Variants in PDE3A observed in about 807,000 individuals in gnomAD.
PDE3A encodes cGMP-inhibited 3',5'-cyclic phosphodiesterase 3A.
A neutral mutation model predicts 98.3 loss-of-function variants in PDE3A; 43 were observed. The ratio of observed to expected loss-of-function variants is 0.44; its 90% CI spans 0.34 to 0.56. PDE3A has a LOEUF of 0.56. Among genes scored for constraint, PDE3A ranks in the 20% least tolerant of loss-of-function variants. The pLI, the probability that PDE3A is intolerant of heterozygous loss-of-function variation, is 0.01. For synonymous variants in PDE3A, 663 were observed against 567.9 expected, an observed-to-expected ratio of 1.17 and a Z score of -2.38; for missense variants, 1,427 against 1,440.7, an observed-to-expected ratio of 0.99 and a Z score of 0.15.
At chr12:20,648,662 A>G in intron 12 of PDE3A, 26 bp from the exon 13 acceptor site, 1 of 1,430,202 alleles carries the variant, frequency 7.0e-7, no homozygotes. Context: ...TAAAAAGTTG[A>G]ACTCTTAACT....
At position 20,635,384 on chromosome 12, in the gene PDE3A, C is replaced by T. The variant is rs1944480249; in HGVS notation, c.2001+328C>T. 3.3e-5 allele frequency among the ~76,000 whole-genome samples: 5 copies of T among 152,210 alleles called. No individual in the cohort carries two copies. In the South Asian group the frequency reaches 1.0e-3, roughly 32 times the overall value. The stretch of plus-strand genomic sequence containing the variant: ...ATGAGTTCAAGACCAGCCTGACCAA[C>T]ATGGTGAAACCCCGTCTCTACTAAA... On this transcript the variant is annotated intron_variant, in intron 8 of 15. Coordinates refer to ENST00000359062, the MANE Select transcript of PDE3A (RefSeq NM_000921.5).
At chr12:20,427,978 G>T (rs546889587) in intron 1 of PDE3A, among the ~76,000 whole-genome samples, 1 of 152,150 alleles carries the variant, frequency 6.6e-6, no homozygotes, top group South Asian at 2.1e-4. Flanking sequence ...GGCTGAGACG[G>T]GCGGATCACG....
rs758949952 is a variant in PDE3A, at chr12:20,556,711, G to GT, written c.1011+2dup. The stretch of plus-strand genomic sequence containing the variant: ...CAAACGAGGGCCAAGAGGATCACAG[G>GT]TAAGTTTCTTTTCCTTTTCTTTTTC... On this transcript the variant is annotated splice_donor_variant, in intron 2 of 15. Transcript: ENST00000359062. LOFTEE classifies it high-confidence loss of function. The GT allele has an allele frequency of 3.4e-5, 54 of 1,606,138 alleles. No homozygotes were observed. The African/African-American group carries it at 5.7e-4, about 17-fold the overall frequency.
At chr12:20,507,076 C>T (rs552714363) in intron 1 of PDE3A, among the ~76,000 whole-genome samples, 1 of 151,522 alleles carries the variant, frequency 6.6e-6, no homozygotes, top group African/African-American at 2.4e-5. Flanking sequence ...TATTATGATC[C>T]GGGGGGTAAT....
At chr12:20,407,729 AT>A (rs993532798) in intron 1 of PDE3A, among the ~76,000 whole-genome samples, 2 of 152,090 alleles carry the variant, frequency 1.3e-5, no homozygotes, top group Non-Finnish European at 2.9e-5. Context: ...AAACTTATAA[AT>A]TTTTTTAAAA....
chr12:20,470,917 C>A (rs1945428138), intron 1 of PDE3A, among the ~76,000 whole-genome samples: 1 of 151,910 alleles, frequency 6.6e-6, no homozygotes, highest in Admixed American at 6.6e-5. Flanking sequence ...TAAGAAGAGA[C>A]ACCAGAGAGC....
rs1025314934 is a variant in PDE3A, at chr12:20,368,803, G to A, written c.-482G>A. 6.6e-6 allele frequency among the ~76,000 whole-genome samples: 1 copy of A among 151,740 alleles called. No individual in the cohort carries two copies. Among genetic ancestry groups the A allele is most frequent in the African/African-American group, 2.4e-5 (1 of 41,366 alleles). ...CCATCTGCCGCGGGCCCGGCGCGCT[G>A]CAGCGCAGCGCAGCGCCGAGCTGCG... is the stretch of plus-strand genomic sequence containing the variant. On this transcript the variant is annotated 5_prime_UTR_variant, in exon 1 of 16. Coordinates refer to ENST00000359062, the MANE Select transcript of PDE3A (RefSeq NM_000921.5).
chr12:20,496,958 C>G (rs990398202), intron 1 of PDE3A, among the ~76,000 whole-genome samples: 6 of 152,126 alleles, frequency 3.9e-5, no homozygotes, highest in African/African-American at 1.2e-4. Context: ...AAGAGAAGTT[C>G]CATGAGGACG....
intron 1 of PDE3A, among the ~76,000 whole-genome samples, chr12:20,530,247 G>C (rs1211555490): frequency 6.6e-6 from 1 of 152,036 alleles, no homozygotes; most frequent in African/African-American, 2.4e-5. Flanking sequence ...ATAAGTTATA[G>C]CTGATAACAC....
At chr12:20,647,246 A>G (rs1256632171) in intron 12 of PDE3A, among the ~76,000 whole-genome samples, 1 of 152,184 alleles carries the variant, frequency 6.6e-6, no homozygotes, top group Non-Finnish European at 1.5e-5. Context: ...GGCAACCTAT[A>G]CAAAAGCCCC....
intron 10 of PDE3A, among the ~76,000 whole-genome samples, chr12:20,640,850 TA>T (rs2121513919): frequency 6.6e-6 from 1 of 151,412 alleles, no homozygotes; most frequent in South Asian, 2.1e-4. Context: ...GAAAGAAAAA[TA>T]ATCAAACATA....
In PDE3A at chr12:20,552,327, C is replaced by T. The variant is rs1190451840; in HGVS notation, c.961-4333C>T. The T allele has an allele frequency of 1.2e-5, 19 of 1,613,620 alleles. No individual in the cohort carries two copies. The highest frequency in any genetic ancestry group is 7.7e-5 in the South Asian group (7 of 91,038). ...TCTACAAGGTTGTGAAATACTGGCC[C>T]GAGAAGGGGAAGTCCGGGTTTCTCG... On this transcript the variant is annotated intron_variant, in intron 1 of 15. Transcript: ENST00000359062. The surrounding 1 kb of genome is among the most constrained non-coding windows in gnomAD (Gnocchi z 5.1).
intron 5 of PDE3A, among the ~76,000 whole-genome samples, chr12:20,623,558 T>A (rs1007501796): frequency 6.6e-6 from 1 of 152,028 alleles, no homozygotes; most frequent in Non-Finnish European, 1.5e-5. Context: ...CTTACAAGAA[T>A]AGGAGTGAAC....
At chr12:20,455,117 A>G (rs925383974) in intron 1 of PDE3A, among the ~76,000 whole-genome samples, 1 of 152,164 alleles carries the variant, frequency 6.6e-6, no homozygotes, top group Non-Finnish European at 1.5e-5. Context: ...CAGCCTCACC[A>G]GCATCTGTTA....
intron 7 of PDE3A, 133 bp downstream of exon 7, chr12:20,633,911 G>A (rs1944440787): frequency 3.6e-6 from 2 of 548,400 alleles, no homozygotes; most frequent in African/African-American, 1.9e-5. Flanking sequence ...TGTTGGTCAG[G>A]TCGGTCTCAA....
intron 1 of PDE3A, among the ~76,000 whole-genome samples, chr12:20,414,705 A>G (rs1388562553): frequency 2.6e-5 from 4 of 152,170 alleles, no homozygotes; most frequent in African/African-American, 9.7e-5. Context: ...GGTTTCTGAG[A>G]TGATCAATTC....
At position 20,370,251 on chromosome 12, in the gene PDE3A, A is replaced by T. The variant is rs1225637062; in HGVS notation, c.960+7A>T. On this transcript the variant is annotated splice_region_variant and intron_variant, in intron 1 of 15. Transcript: ENST00000359062. ...CTGTATACCGAGGGAACAGGTAAGC[A>T]CTGGCAACTCCTCTCTCGGCTCTTG... 6.6e-7 allele frequency: 1 copy of T among 1,520,746 alleles called. No individual in the cohort carries two copies. 94.2% of individuals were successfully genotyped at this position (1,520,746 alleles called of 1,614,324 possible).
chr12:20,684,687 A>G lies in PDE3A; in HGVS notation c.*4416A>G, dbSNP rs1468161046. Among the ~76,000 whole-genome samples, 1 of 152,218 alleles carries G rather than the reference A, an allele frequency of 6.6e-6. No individual in the cohort carries two copies. The highest frequency in any genetic ancestry group is 1.9e-4 in the East Asian group (1 of 5,190). On this transcript the variant is annotated 3_prime_UTR_variant, in exon 16 of 16. Transcript: ENST00000359062. Reference sequence around the variant, plus strand: ...ATCTTCAACAAAATTCAATTTTAAGATTAAGAAATCAGCAATTTTAGGTAA... The same window carrying G: ...ATCTTCAACAAAATTCAATTTTAAGGTTAAGAAATCAGCAATTTTAGGTAA...
chr12:20,571,869 A>G (rs1942808193), intron 2 of PDE3A: 5 of 996,956 alleles, frequency 5.0e-6, no homozygotes, highest in Non-Finnish European at 6.0e-6. Context: ...ACTTCATTTG[A>G]CTCTCCAATA....
Sources: gnomAD v4.1 joint callset for allele counts (sites outside exome capture counted in the v4.1 genomes callset) on GRCh38, gnomAD v4.1.1 for gene constraint, Gnocchi (gnomAD v3.1) non-coding constraint, MANE v1.5 for transcripts, NCBI Gene and HGNC (gene_info 2026-07-23, HGNC 2026-07-21) for gene names.